Variants in SCHIP1 observed in about 807,000 individuals in gnomAD.
The protein encoded by SCHIP1 is schwannomin interacting protein 1, also known as schwannomin-interacting protein 1.
SCHIP1 carries 8 observed loss-of-function variants against 29.7 expected under a neutral mutation model. The observed-to-expected ratio is 0.27, with a 90% CI of 0.16 to 0.49. The LOEUF is 0.49. SCHIP1 is among the 20% of genes least tolerant of loss of function. The pLI is 0.99. For missense variants in SCHIP1, 193 were observed against 294.6 expected, an observed-to-expected ratio of 0.66 and a Z score of 2.52; for synonymous variants, 76 against 94.9, an observed-to-expected ratio of 0.80 and a Z score of 1.16.
chr3:159,787,099 C>T, the SCHIP1 span, among the ~76,000 whole-genome samples: 2 of 152,038 alleles, frequency 1.3e-5, no homozygotes, highest in Non-Finnish European at 2.9e-5. Context: ...ACTTTGTACC[C>T]CTTTTTAGTA....
the SCHIP1 span, among the ~76,000 whole-genome samples, chr3:159,741,086 G>T: frequency 2.6e-5 from 4 of 152,136 alleles, no homozygotes; most frequent in African/African-American, 7.2e-5. Context: ...CTGAAGAGAG[G>T]TATTGGTATC....
chr3:159,438,349 G>A, the SCHIP1 span, among the ~76,000 whole-genome samples: 1 of 152,080 alleles, frequency 6.6e-6, no homozygotes, highest in Non-Finnish European at 1.5e-5. Flanking sequence ...GAAGGACTAA[G>A]ATCACCTGAT....
the SCHIP1 span, among the ~76,000 whole-genome samples, chr3:159,281,642 C>T: frequency 6.6e-6 from 1 of 152,104 alleles, no homozygotes; most frequent in Admixed American, 6.5e-5. Flanking sequence ...CAAAAACTGA[C>T]AGGAAATGAG....
chr3:159,493,727 G>A, the SCHIP1 span, among the ~76,000 whole-genome samples: 1 of 151,918 alleles, frequency 6.6e-6, no homozygotes, highest in Non-Finnish European at 1.5e-5. Context: ...TCCAGGAATT[G>A]AACTCAGCTC....
chr3:159,506,899 G>A, the SCHIP1 span, among the ~76,000 whole-genome samples: 9 of 152,236 alleles, frequency 5.9e-5, no homozygotes, highest in Admixed American at 3.3e-4. Context: ...GTCAGGTAGC[G>A]TGATGCCCCC....
the SCHIP1 span, chr3:159,765,468 G>A: frequency 3.7e-6 from 1 of 269,490 alleles, no homozygotes; most frequent in Non-Finnish European, 6.9e-6. Flanking sequence ...TAAATCCGGG[G>A]AGATTCTGGC....
intron 2 of SCHIP1, among the ~76,000 whole-genome samples, chr3:159,875,278 A>T (rs1032453060): frequency 1.3e-5 from 2 of 152,142 alleles, no homozygotes; most frequent in African/African-American, 2.4e-5. Context: ...AACACCAATG[A>T]CCCTGGTTTA....
the SCHIP1 span, among the ~76,000 whole-genome samples, chr3:159,294,308 C>T: frequency 1.3e-5 from 2 of 152,176 alleles, no homozygotes; most frequent in Non-Finnish European, 2.9e-5. Context: ...GTGGTTCCAT[C>T]TCTGCCTCAA....
chr3:159,637,000 A>C, the SCHIP1 span, among the ~76,000 whole-genome samples: 4 of 152,252 alleles, frequency 2.6e-5, no homozygotes, highest in African/African-American at 9.6e-5. Flanking sequence ...AACTGAGGGG[A>C]GTTAACTTAT....
the SCHIP1 span, among the ~76,000 whole-genome samples, chr3:159,325,899 A>C: frequency 1.3e-5 from 2 of 152,094 alleles, no homozygotes; most frequent in Non-Finnish European, 2.9e-5. Flanking sequence ...AAAAGTTTGC[A>C]TTACTGTAGT....
chr3:159,552,298 A>C, the SCHIP1 span, among the ~76,000 whole-genome samples: 1 of 152,078 alleles, frequency 6.6e-6, no homozygotes, highest in Admixed American at 6.6e-5. Flanking sequence ...CACCAGCCTC[A>C]GCCTCCTGAA....
the SCHIP1 span, among the ~76,000 whole-genome samples, chr3:159,657,693 C>T: frequency 1.3e-5 from 2 of 152,208 alleles, no homozygotes; most frequent in African/African-American, 4.8e-5. Flanking sequence ...ATGTTAGCCT[C>T]CTGAAGATAA....
chr3:159,725,231 A>G, the SCHIP1 span, among the ~76,000 whole-genome samples: 8 of 151,466 alleles, frequency 5.3e-5, no homozygotes, highest in African/African-American at 1.9e-4. Context: ...GGAAGATGAG[A>G]GAGAGAGAGA....
chr3:159,351,180 G>C, the SCHIP1 span, among the ~76,000 whole-genome samples: 1 of 152,164 alleles, frequency 6.6e-6, no homozygotes, highest in African/African-American at 2.4e-5. Flanking sequence ...CTGTAGAGCT[G>C]AGGATATACA....
chr3:159,383,146 C>T, the SCHIP1 span, among the ~76,000 whole-genome samples: 1 of 149,764 alleles, frequency 6.7e-6, no homozygotes, highest in Non-Finnish European at 1.5e-5. Flanking sequence ...CTTTTGTTGC[C>T]ATTGCTTTTG....
At chr3:159,757,313 A>G in the SCHIP1 span, among the ~76,000 whole-genome samples, 167 of 152,328 alleles carry the variant, frequency 1.1e-3, no homozygotes, top group African/African-American at 3.8e-3. Flanking sequence ...GCAGGCAAAA[A>G]GAGACCTTGT....
At chr3:159,815,248 G>T in the SCHIP1 span, among the ~76,000 whole-genome samples, 1 of 152,198 alleles carries the variant, frequency 6.6e-6, no homozygotes, top group Non-Finnish European at 1.5e-5. Context: ...AGAGTTCCCA[G>T]TGATGCTGGC....
the SCHIP1 span, among the ~76,000 whole-genome samples, chr3:159,319,335 C>T: frequency 6.6e-6 from 1 of 152,102 alleles, no homozygotes; most frequent in Non-Finnish European, 1.5e-5. Flanking sequence ...TACTTGTGAG[C>T]AGCAATAAAG....
chr3:159,462,964 G>A, the SCHIP1 span, among the ~76,000 whole-genome samples: 1 of 151,938 alleles, frequency 6.6e-6, no homozygotes, highest in Non-Finnish European at 1.5e-5. Context: ...GTTGTTCAAT[G>A]GAATACAGTT....
Sources: gnomAD v4.1 joint callset for allele counts (sites outside exome capture counted in the v4.1 genomes callset) on GRCh38, gnomAD v4.1.1 for gene constraint, MANE v1.5 for transcripts, NCBI Gene and HGNC (gene_info 2026-07-23, HGNC 2026-07-21) for gene names.